Variants in STK35 observed in about 807,000 individuals in gnomAD.
STK35 encodes serine/threonine-protein kinase 35.
In STK35, 17 loss-of-function variants were observed where a neutral mutation model predicts 37.3. That is an observed-to-expected ratio of 0.46 (90% CI 0.31 to 0.68). The LOEUF (loss-of-function observed/expected upper bound fraction) is 0.68. Among genes scored for constraint, STK35 ranks in the 30% least tolerant of loss-of-function variants. The probability of loss-of-function intolerance (pLI) is 0.05; values close to 1 mark genes in which losing one functional copy is unlikely to be tolerated. For missense variants in STK35, 595 were observed against 746.7 expected (o/e 0.80, Z 2.37); for synonymous variants, 385 against 319.1 (o/e 1.21, Z -2.20).
At chr20:2,110,444 AT>A (rs1985595643) in intron 2 of STK35, among the ~76,000 whole-genome samples, 1 of 152,142 alleles carries the variant, frequency 6.6e-6, no homozygotes, top group Non-Finnish European at 1.5e-5. Context: ...GCCAATTGGT[AT>A]TACCATAGTT....
intron 2 of STK35, among the ~76,000 whole-genome samples, chr20:2,104,149 T>C (rs181020928): frequency 6.6e-6 from 1 of 152,294 alleles, no homozygotes; most frequent in African/African-American, 2.4e-5. Context: ...CTAATTATCT[T>C]AGTTTCCGGG....
At chr20:2,106,060 T>C (rs1183037455) in intron 2 of STK35, among the ~76,000 whole-genome samples, 1 of 152,230 alleles carries the variant, frequency 6.6e-6, no homozygotes, top group African/African-American at 2.4e-5. Context: ...ACATTCAAGC[T>C]GACTTGCAAT....
chr20:2,140,510 C>T (rs188134449), intron 3 of STK35, among the ~76,000 whole-genome samples: 247 of 152,358 alleles, frequency 1.6e-3, no homozygotes, highest in Middle Eastern at 0.01. Context: ...CCACTACCTT[C>T]GGTGAGCTTA....
chr20:2,113,629 T>C (rs1406651450), intron 2 of STK35, among the ~76,000 whole-genome samples: 1 of 152,196 alleles, frequency 6.6e-6, no homozygotes, highest in Non-Finnish European at 1.5e-5. Flanking sequence ...ATTTCATCTT[T>C]TGCCTAACAT....
At chr20:2,121,621 A>G (rs1422796247) in intron 3 of STK35, among the ~76,000 whole-genome samples, 1 of 152,176 alleles carries the variant, frequency 6.6e-6, no homozygotes, top group African/African-American at 2.4e-5. Context: ...AGAGATACAA[A>G]TTTAGAGATT....
At position 2,130,007 on chromosome 20, in the gene STK35, A is replaced by G. The variant is rs535035368; in HGVS notation, c.*37+12592A>G. Among the ~76,000 whole-genome samples the G allele has an allele frequency of 2.0e-4, 30 of 152,264 alleles. No homozygotes were observed. In the South Asian group the frequency reaches 5.8e-3, roughly 30 times the overall value. On this transcript the variant is annotated intron_variant, in intron 3 of 3. Transcript: ENST00000381482. Reference sequence around the variant, plus strand: ...ATTCAAGGTGCATTTTGGAGGTTCAAAAGGGCTCTCAGATGGCCTGAAATC... The same window carrying G: ...ATTCAAGGTGCATTTTGGAGGTTCAGAAGGGCTCTCAGATGGCCTGAAATC...
rs1270644647 is a variant in STK35, at chr20:2,147,055, A to G, written c.*3309A>G. 1 of 152,646 alleles carries G rather than the reference A, an allele frequency of 6.6e-6. No homozygotes were observed. The highest frequency in any genetic ancestry group is 1.9e-4 in the East Asian group (1 of 5,202). 9.5% of individuals were successfully genotyped at this position (152,646 alleles called of 1,614,324 possible). ...GGAGTATACTAAATGTTTACTTAAG[A>G]AACACCCTGTTTACAGCCAGAGGAG... On this transcript the variant is annotated 3_prime_UTR_variant, in exon 4 of 4. Coordinates refer to ENST00000381482, the MANE Select transcript of STK35 (RefSeq NM_080836.4).
rs1472949413 is a variant in STK35 at position 2,116,744 on chromosome 20, A to G, written c.971A>G (p.Asn324Ser). 4.5e-5 allele frequency: 73 copies of G among 1,614,072 alleles called. No individual in the cohort carries two copies. The highest frequency in any genetic ancestry group is 6.1e-5 in the Non-Finnish European group (72 of 1,180,044). ...GAGTTCTGTGAAGGTGGAGACCTGA[A>G]TCAGTATGTCCTGTCCCGGAGGCCA... ...VMEFCEGGDL[N>S]QYVLSRRPDP... The change falls in exon 3 of 4, where the codon AAT (asparagine) becomes AGT (serine). Residue 324 changes from asparagine to serine, a missense_variant. Physicochemically the swap from Asn to Ser is conservative, Grantham distance 46 (BLOSUM62 1). Coordinates refer to ENST00000381482, the MANE Select transcript of STK35 (RefSeq NM_080836.4).
chr20:2,116,560 GTTGT>G, intron 2 of STK35, 102 bp from the exon 3 acceptor site: 1 of 1,274,544 alleles, frequency 7.8e-7, no homozygotes, highest in Non-Finnish European at 1.1e-6. Flanking sequence ...CCTTGGAGCA[GTTGT>G]TTGTCACCAA....
chr20:2,109,180 G>C (rs1483410772), intron 2 of STK35, among the ~76,000 whole-genome samples: 1 of 152,176 alleles, frequency 6.6e-6, no homozygotes, highest in Admixed American at 6.5e-5. Context: ...CCTGTAAGAG[G>C]TGCTCTGGGT....
chr20:2,133,253 C>T (rs1023268839), intron 3 of STK35, among the ~76,000 whole-genome samples: 1 of 152,162 alleles, frequency 6.6e-6, no homozygotes, highest in Non-Finnish European at 1.5e-5. Flanking sequence ...TCCCCTTTAG[C>T]TAGTAATGGC....
At chr20:2,131,300 A>G (rs1310990064) in intron 3 of STK35, among the ~76,000 whole-genome samples, 1 of 152,216 alleles carries the variant, frequency 6.6e-6, no homozygotes, top group Non-Finnish European at 1.5e-5. Context: ...GAAAAGGTAC[A>G]GTGAAAATAC....
At position 2,103,060 on chromosome 20, in the gene STK35, G is replaced by C. The variant is rs750111661; in HGVS notation, c.587G>C (p.Gly196Ala). 6 of 1,568,626 alleles carry C rather than the reference G, an allele frequency of 3.8e-6. No individual in the cohort carries two copies. The East Asian group carries it at 1.2e-4, about 31-fold the overall frequency. Residue 196 changes from glycine to alanine, a missense_variant, in exon 2 of 4, where the codon GGG becomes GCG. Gly to Ala is a moderately conservative substitution (Grantham distance 60). Coordinates refer to ENST00000381482, the MANE Select transcript of STK35 (RefSeq NM_080836.4). ...CGGCGACGGCCTGAGGGCGGTGGCG[G>C]GTCCGCGCGGCCGCGTTACAGCCTG... The part of the protein sequence containing the change: ...LARRRPEGGG[G>A]SARPRYSLLA...
At chr20:2,102,324 G>C (rs1218136371) in intron 1 of STK35, 149 bp downstream of exon 1, 1 of 1,111,142 alleles carries the variant, frequency 9.0e-7, no homozygotes, top group Non-Finnish European at 1.2e-6. Flanking sequence ...CGTCGCCCTC[G>C]GGGACTTGGG....
intron 3 of STK35, among the ~76,000 whole-genome samples, chr20:2,124,445 A>C (rs575859738): frequency 6.6e-6 from 1 of 152,206 alleles, no homozygotes; most frequent in East Asian, 1.9e-4. Flanking sequence ...CAAAGGGAGG[A>C]TGGGAAAAGG....
Position 2,102,099 on chromosome 20 carries a change from G to A in STK35, c.218G>A (p.Gly73Glu), listed in dbSNP as rs548864187. Residue 73 changes from glycine (G) to glutamate (E), a missense_variant, in exon 1 of 4, where the codon GGG (glycine) becomes GAG (glutamate). By Grantham distance (98) the Gly-to-Glu change is moderately conservative (BLOSUM62 -2). Around this residue, in one of 3 missense-constraint regions of STK35, gnomAD observed 389 missense variants for 320.0 expected, o/e 1.22. Transcript: ENST00000381482. ...SRAARSRRQP[G>E]PGADHPQAGA... Reference sequence around the variant, plus strand: ...GCTGCTCGGTCCCGGAGGCAGCCCGGGCCCGGAGCGGACCATCCCCAGGCA... The same window carrying A: ...GCTGCTCGGTCCCGGAGGCAGCCCGAGCCCGGAGCGGACCATCCCCAGGCA... The A allele has an allele frequency of 6.8e-7, 1 of 1,468,986 alleles. No homozygotes were observed. Among genetic ancestry groups the A allele is most frequent in the Admixed American group, 2.2e-5 (1 of 44,852 alleles). The allele number at this position is 1,468,986 out of a possible 1,614,324, so 91.0% of individuals were successfully genotyped here. A position where few individuals can be genotyped will look rare whatever the true frequency, so the allele number is the denominator to read the frequency against.
chr20:2,105,617 T>C (rs1259350938), intron 2 of STK35, among the ~76,000 whole-genome samples: 1 of 152,160 alleles, frequency 6.6e-6, no homozygotes, highest in Non-Finnish European at 1.5e-5. Flanking sequence ...TGTAAGATAG[T>C]GGGTATGTAC....
rs576020497 is a variant in STK35, at chr20:2,104,247, G to T, written c.892+882G>T. ...ACTACCAGTAGCTAAGTGTCTGCTT[G>T]GAGAGGAGAGAGGCGGTAGAAAGTT... is the stretch of plus-strand genomic sequence containing the variant. On this transcript the variant is annotated intron_variant, in intron 2 of 3. Transcript: ENST00000381482. Among the ~76,000 whole-genome samples the T allele has an allele frequency of 1.1e-3, 166 of 152,258 alleles. 3 individuals are homozygous for T. In the East Asian group the frequency reaches 0.023, roughly 21 times the overall value.
chr20:2,136,750 GA>G (rs1280508520), intron 3 of STK35, among the ~76,000 whole-genome samples: 1 of 152,240 alleles, frequency 6.6e-6, no homozygotes, highest in African/African-American at 2.4e-5. Flanking sequence ...AGAGGCTTAA[GA>G]AAAGCAGCAG....
Sources: allele counts gnomAD v4.1 joint callset (sites outside exome capture counted in the v4.1 genomes callset), GRCh38; gene constraint gnomAD v4.1.1; regional missense constraint gnomAD v4.1.1; transcripts MANE v1.5; gene names NCBI Gene and HGNC (gene_info 2026-07-23, HGNC 2026-07-21).